Variants in SIDT1 observed in about 807,000 individuals in gnomAD.
The protein encoded by SIDT1 is SID1 transmembrane family member 1, also known as SID1 transmembrane family, member 1.
Under a neutral mutation model 107.5 loss-of-function variants are expected in SIDT1, and 101 were observed. The ratio of observed to expected loss-of-function variants is 0.94; its 90% CI spans 0.80 to 1.11. SIDT1 has a LOEUF of 1.11. Ranked by LOEUF, SIDT1 falls within the 50% of genes least tolerant of loss-of-function variation. The probability of loss-of-function intolerance (pLI) is 0.00; values close to 1 mark genes in which losing one functional copy is unlikely to be tolerated. For synonymous variants in SIDT1, 395 were observed against 398.2 expected (o/e 0.99, Z 0.10); for missense variants, 1,076 against 1,058.2 (o/e 1.02, Z -0.23).
intron 3 of SIDT1, among the ~76,000 whole-genome samples, chr3:113,571,587 G>A (rs1942461339): frequency 6.6e-6 from 1 of 151,922 alleles, no homozygotes; most frequent in Admixed American, 6.6e-5. Context: ...ATTGCAGGCA[G>A]GCAACAGCAG....
At chr3:113,614,093 A>G (rs1945938628) in intron 19 of SIDT1, among the ~76,000 whole-genome samples, 1 of 152,252 alleles carries the variant, frequency 6.6e-6, no homozygotes, top group African/African-American at 2.4e-5. Flanking sequence ...CCCAAAATCT[A>G]GAAGGAGAGA....
chr3:113,618,618 T>C (rs1946260193), intron 20 of SIDT1, among the ~76,000 whole-genome samples: 1 of 152,224 alleles, frequency 6.6e-6, no homozygotes, highest in Non-Finnish European at 1.5e-5. Context: ...GCCATTCTAA[T>C]AGGTGAATTA....
chr3:113,603,094 A>T lies in SIDT1; in HGVS notation c.1207A>T (p.Ser403Cys). 6.2e-7 allele frequency: 1 copy of T among 1,614,102 alleles called. No homozygotes were observed. The highest frequency in any genetic ancestry group is 8.5e-7 in the Non-Finnish European group (1 of 1,179,978). ...QSDTDSSVEESDFDTMPDIES... is the reference protein window; with the variant it reads ...QSDTDSSVEECDFDTMPDIES... ...AGACACAGACAGCTCCGTGGAGGAG[A>T]GCGACTTCGACACCATGCCAGACAT... Residue 403 changes from serine (S) to cysteine (C), a missense_variant, in exon 12 of 25, where the codon AGC becomes TGC. Coordinates refer to ENST00000264852, the MANE Select transcript of SIDT1 (RefSeq NM_017699.3).
intron 19 of SIDT1, chr3:113,612,446 A>G: frequency 3.6e-6 from 2 of 559,344 alleles, no homozygotes; most frequent in South Asian, 1.5e-5. Context: ...GATGAGTTGT[A>G]CCTCCAACCC....
intron 3 of SIDT1, among the ~76,000 whole-genome samples, chr3:113,575,080 GT>G (rs1942795145): frequency 6.6e-6 from 1 of 152,152 alleles, no homozygotes; most frequent in African/African-American, 2.4e-5. Context: ...TGTTTTACAA[GT>G]TTGCATGCAT....
intron 1 of SIDT1, among the ~76,000 whole-genome samples, chr3:113,537,155 A>C (rs933255142): frequency 1.3e-5 from 2 of 152,332 alleles, no homozygotes; most frequent in African/African-American, 4.8e-5. Context: ...TTCCTGTAAG[A>C]ATTTAGTTTG....
chr3:113,608,054 T>C, intron 15 of SIDT1, 40 bp from the exon 16 acceptor site: 1 of 1,504,578 alleles, frequency 6.6e-7, no homozygotes, highest in East Asian at 2.3e-5. Context: ...GTCCCTTTGA[T>C]GGTCTTGACT....
At chr3:113,626,549 G>A (rs1946864001) in intron 24 of SIDT1, among the ~76,000 whole-genome samples, 1 of 152,026 alleles carries the variant, frequency 6.6e-6, no homozygotes, top group Admixed American at 6.6e-5. Context: ...CGATAACATT[G>A]GGTTATTCCT....
downstream of SIDT1, among the ~76,000 whole-genome samples, chr3:113,632,145 C>T (rs917770607): frequency 5.3e-5 from 8 of 151,960 alleles, no homozygotes; most frequent in Non-Finnish European, 1.0e-4. Context: ...ATCTCCTGTC[C>T]CGGCATTATA....
chr3:113,567,446 G>A, intron 2 of SIDT1, 94 bp from the exon 3 acceptor site: 2 of 1,056,460 alleles, frequency 1.9e-6, no homozygotes, highest in Non-Finnish European at 2.8e-6. Flanking sequence ...TGAATTTGGA[G>A]AGAAGCAAAA....
intron 17 of SIDT1, among the ~76,000 whole-genome samples, chr3:113,609,081 T>G (rs1315925381): frequency 6.5e-5 from 8 of 123,262 alleles, no homozygotes; most frequent in African/African-American, 2.4e-4. Flanking sequence ...TTTTTTTTTT[T>G]TGACAGAATC....
rs554097135 is a variant in SIDT1, at chr3:113,552,900, C to T, written c.223-13520C>T. ...TGGAGGAGGAGTAGTTCCTCCAGAA[C>T]ATGCAAGGGTTTTGGATGCTGAGTA... is the stretch of plus-strand genomic sequence containing the variant. On this transcript the variant is annotated intron_variant, in intron 1 of 24. Transcript: ENST00000264852. Among the ~76,000 whole-genome samples, 29 of 152,270 alleles carry T rather than the reference C, an allele frequency of 1.9e-4. 1 individual carries two copies. Among genetic ancestry groups the T allele is most frequent in the South Asian group, 1.5e-3 (7 of 4,824 alleles).
rs1034797113 is a variant in SIDT1, at chr3:113,583,284, T to C, written c.748-125T>C. The C allele has an allele frequency of 3.6e-5, 20 of 551,094 alleles. No individual in the cohort carries two copies. The Middle Eastern group carries it at 1.7e-3, about 47-fold the overall frequency. 34.1% of individuals were successfully genotyped at this position (551,094 alleles called of 1,614,324 possible). On this transcript the variant is annotated intron_variant, in intron 6 of 24. Transcript: ENST00000264852. ...GTATGTGAAAGTCCTTTCCAAGGAG[T>C]TAGAGGGCAGGGGTGAACTTTATTT...
At chr3:113,600,005 A>G (rs975083823) in intron 10 of SIDT1, among the ~76,000 whole-genome samples, 1 of 152,148 alleles carries the variant, frequency 6.6e-6, no homozygotes, top group Non-Finnish European at 1.5e-5. Flanking sequence ...ATCTTAATAT[A>G]TACAATTAAA....
Position 113,626,120 on chromosome 3 carries a change from C to T in SIDT1, c.2326C>T (p.Arg776Trp), listed in dbSNP as rs1046671400. ...SSWEGTPAES[R>W]EKNRECILLD... The stretch of plus-strand genomic sequence containing the variant: ...CCTCCAGGGAACTCCGGCCGAATCC[C>T]GGGAGAAGAACCGCGAGTGCATTCT... Residue 776 changes from arginine (R) to tryptophan (W), a missense_variant, in exon 24 of 25, where the codon CGG (arginine) becomes TGG (tryptophan). By Grantham distance (101) the Arg-to-Trp change is moderately radical (BLOSUM62 -3). Coordinates refer to ENST00000264852, the MANE Select transcript of SIDT1 (RefSeq NM_017699.3). 11 of 1,613,826 alleles carry T rather than the reference C, an allele frequency of 6.8e-6. No individual in the cohort carries two copies. The highest frequency in any genetic ancestry group is 2.2e-5 in the East Asian group (1 of 44,886).
At chr3:113,544,008 C>T (rs78839274) in intron 1 of SIDT1, among the ~76,000 whole-genome samples, 6,421 of 152,212 alleles carry the variant, frequency 0.042, 258 homozygotes, top group African/African-American at 0.11. Flanking sequence ...CCTGTATAAA[C>T]TGCTACTATT....
chr3:113,535,139 G>C (rs969253874), intron 1 of SIDT1, among the ~76,000 whole-genome samples: 1 of 152,150 alleles, frequency 6.6e-6, no homozygotes, highest in Non-Finnish European at 1.5e-5. Context: ...GGGTGTGATG[G>C]CACATGCGCC....
intron 20 of SIDT1, among the ~76,000 whole-genome samples, chr3:113,617,851 C>T (rs370494920): frequency 1.2e-4 from 18 of 152,282 alleles, no homozygotes; most frequent in East Asian, 1.2e-3. Flanking sequence ...CAACTCCCCA[C>T]ATGCACAGCC....
intron 1 of SIDT1, among the ~76,000 whole-genome samples, chr3:113,564,225 C>CT (rs1181248989): frequency 6.6e-6 from 1 of 152,194 alleles, no homozygotes; most frequent in Non-Finnish European, 1.5e-5. Flanking sequence ...CAGGCGTGAG[C>CT]CGCCGTGCCT....
Sources: gnomAD v4.1 joint callset for allele counts (sites outside exome capture counted in the v4.1 genomes callset) on GRCh38, gnomAD v4.1.1 for gene constraint, MANE v1.5 for transcripts, NCBI Gene and HGNC (gene_info 2026-07-23, HGNC 2026-07-21) for gene names.